Variants in MINDY3 observed in about 807,000 individuals in gnomAD.
The protein encoded by MINDY3 is ubiquitin carboxyl-terminal hydrolase MINDY-3.
MINDY3 carries 38 observed loss-of-function variants against 69.2 expected under a neutral mutation model. The observed-to-expected ratio is 0.55, with a 90% confidence interval of 0.42 to 0.72. The LOEUF is 0.72. MINDY3 is among the 30% of genes least tolerant of loss of function. The probability of loss-of-function intolerance (pLI) is 0.00; values close to 1 mark genes in which losing one functional copy is unlikely to be tolerated. For missense variants in MINDY3, 522 were observed against 519.0 expected (o/e 1.01, Z -0.06); for synonymous variants, 192 against 180.1 (o/e 1.07, Z -0.53).
In MINDY3 at chr10:15,789,337, A is replaced by G. The variant is rs763125934; in HGVS notation, c.956-18T>C. ...TCCATTATCTAGGGGGGAAAAAATCAGAAACAACTTGAAATAAGAATTTAC... is the reference window on the plus strand; with the variant it reads ...TCCATTATCTAGGGGGGAAAAAATCGGAAACAACTTGAAATAAGAATTTAC... On this transcript the variant is annotated intron_variant, in intron 11 of 14. Transcript: ENST00000277632. 1.0e-5 allele frequency: 16 copies of G among 1,590,082 alleles called. No individual in the cohort carries two copies. The highest frequency in any genetic ancestry group is 1.2e-5 in the Non-Finnish European group (14 of 1,160,022).
At chr10:15,798,066 C>T (rs771295355) in intron 10 of MINDY3, among the ~76,000 whole-genome samples, 6 of 152,110 alleles carry the variant, frequency 3.9e-5, no homozygotes, top group Non-Finnish European at 7.4e-5. Flanking sequence ...GTTATTCTTT[C>T]TATTCGCCAT....
At chr10:15,837,346 G>GT in intron 5 of MINDY3, 28 bp from the exon 6 acceptor site, 1 of 1,480,606 alleles carries the variant, frequency 6.8e-7, no homozygotes, top group Non-Finnish European at 9.3e-7. Context: ...TTAAGTATTG[G>GT]TATCATGATG....
chr10:15,789,156 A>G lies in MINDY3; in HGVS notation c.1028+91T>C, dbSNP rs144479099. 865 of 882,358 alleles carry G rather than the reference A, an allele frequency of 9.8e-4. 8 individuals are homozygous for G. In the African/African-American group the frequency reaches 0.013, roughly 13 times the overall value. The allele number at this position is 882,358 out of a possible 1,614,324, so 54.7% of individuals were successfully genotyped here. A position where few individuals can be genotyped will look rare whatever the true frequency, so the allele number is the denominator to read the frequency against. ...TGCTATGCTTCATATATGCAGATAT[A>G]GATTTTTAAAAAGGCAAAAAATGTA... On this transcript the variant is annotated intron_variant, in intron 12 of 14. Transcript: ENST00000277632.
intron 10 of MINDY3, among the ~76,000 whole-genome samples, chr10:15,815,778 T>C (rs1021793336): frequency 6.6e-6 from 1 of 152,164 alleles, no homozygotes; most frequent in Non-Finnish European, 1.5e-5. Flanking sequence ...TTCTAAAAGC[T>C]AGGTACTATT....
chr10:15,778,495 A>G lies in MINDY3; in HGVS notation c.*497T>C, dbSNP rs1255790323. 1 of 152,492 alleles carries G rather than the reference A, an allele frequency of 6.6e-6. No individual in the cohort carries two copies. The highest frequency in any genetic ancestry group is 2.4e-5 in the African/African-American group (1 of 41,474). 9.4% of individuals were successfully genotyped at this position (152,492 alleles called of 1,614,324 possible). On this transcript the variant is annotated 3_prime_UTR_variant, in exon 15 of 15. Transcript: ENST00000277632. ...AGTTAAGTAAATTGTCAAAGGATCC[A>G]GGTTGACAATGTGTTATTTGTCAAT... is the stretch of plus-strand genomic sequence containing the variant.
chr10:15,845,098 G>A (rs1833735500), intron 2 of MINDY3, among the ~76,000 whole-genome samples: 2 of 151,124 alleles, frequency 1.3e-5, no homozygotes, highest in South Asian at 4.2e-4. Flanking sequence ...TTAGAGTGTT[G>A]ATGATACATT....
Position 15,837,304 on chromosome 10 carries a change from C to G in MINDY3, c.476G>C (p.Arg159Thr). Residue 159 changes from arginine (R) to threonine (T), a missense_variant, in exon 6 of 15, where the codon AGA becomes ACA. Arg to Thr is a moderately conservative substitution (Grantham distance 71). Transcript: ENST00000277632. ...FHALIQKRSF[R>T]SLPELKDAVL... ...AGCATCTTTTAATTCTGGTAAACTTCTGAACGATCTTTTTCTGGGGGAAAA... is the reference window on the plus strand; with the variant it reads ...AGCATCTTTTAATTCTGGTAAACTTGTGAACGATCTTTTTCTGGGGGAAAA... 2 of 1,597,236 alleles carry G rather than the reference C, an allele frequency of 1.3e-6. No individual in the cohort carries two copies. Among genetic ancestry groups the G allele is most frequent in the Admixed American group, 1.8e-5 (1 of 57,098 alleles).
At chr10:15,848,120 C>T (rs765225884) in intron 1 of MINDY3, among the ~76,000 whole-genome samples, 177 bp from the exon 2 acceptor site, 1 of 152,080 alleles carries the variant, frequency 6.6e-6, no homozygotes, top group African/African-American at 2.4e-5. Flanking sequence ...CTATCCACCC[C>T]CACTCCCAAA....
At position 15,843,246 on chromosome 10, in the gene MINDY3, A is replaced by G; in HGVS notation, c.201T>C (p.Phe67=). The G allele has an allele frequency of 6.2e-7, 1 of 1,613,068 alleles. No individual in the cohort carries two copies. The highest frequency in any genetic ancestry group is 2.2e-5 in the East Asian group (1 of 44,832). The part of the protein sequence containing the change: ...VQAFLLKKLL[F]SSEKSSWRDC... The stretch of plus-strand genomic sequence containing the variant: ...CCCGCCAAGAAGACTTCTCCGAAGA[A>G]AACAGGAGCTTCTTCAAAAGAAATG... The change falls in exon 3 of 15, where the codon TTT becomes TTC. Residue 67 remains phenylalanine, a synonymous_variant. Transcript: ENST00000277632.
intron 8 of MINDY3, among the ~76,000 whole-genome samples, chr10:15,822,049 A>G (rs1839804671): frequency 1.3e-5 from 2 of 152,178 alleles, no homozygotes; most frequent in Non-Finnish European, 2.9e-5. Context: ...AAATACAAGA[A>G]GAAAAAGAGA....
At chr10:15,840,557 T>C (rs575755941) in intron 4 of MINDY3, among the ~76,000 whole-genome samples, 4 of 151,776 alleles carry the variant, frequency 2.6e-5, no homozygotes, top group South Asian at 2.1e-4. Context: ...TCCCATACAA[T>C]TGAAGTGTAC....
chr10:15,850,078 C>A (rs1373249519), intron 1 of MINDY3, among the ~76,000 whole-genome samples: 2 of 152,192 alleles, frequency 1.3e-5, no homozygotes, highest in African/African-American at 2.4e-5. Context: ...TTTATAATTT[C>A]TTACGCCTGT....
At chr10:15,853,602 T>A (rs1481307507) in intron 1 of MINDY3, among the ~76,000 whole-genome samples, 1 of 152,146 alleles carries the variant, frequency 6.6e-6, no homozygotes, top group Non-Finnish European at 1.5e-5. Context: ...AATGTCTTTT[T>A]AAAAATATAT....
chr10:15,817,406 G>A (rs1267354063), intron 9 of MINDY3: 1 of 152,974 alleles, frequency 6.5e-6, no homozygotes, highest in Non-Finnish European at 1.5e-5. Context: ...ATTTAAGTAT[G>A]TAAGTGTCCT....
intron 8 of MINDY3, among the ~76,000 whole-genome samples, chr10:15,827,216 C>CTA (rs1236646686): frequency 7.5e-6 from 1 of 133,348 alleles, no homozygotes. Context: ...TAGAAGCCAT[C>CTA]TAAAAAAAAG....
At chr10:15,782,591 G>A (rs1235843056) in intron 13 of MINDY3, among the ~76,000 whole-genome samples, 1 of 151,996 alleles carries the variant, frequency 6.6e-6, no homozygotes, top group African/African-American at 2.4e-5. Flanking sequence ...TCCTCTCAAT[G>A]AATTGAGAAA....
chr10:15,860,139 G>A (rs978435047), intron 1 of MINDY3, 67 bp downstream of exon 1: 25 of 1,213,442 alleles, frequency 2.1e-5, no homozygotes, highest in African/African-American at 1.4e-4. Flanking sequence ...AGCGAGAGGC[G>A]TCACAGGCGG....
At chr10:15,835,137 T>C (rs1446809787) in intron 6 of MINDY3, among the ~76,000 whole-genome samples, 1 of 152,102 alleles carries the variant, frequency 6.6e-6, no homozygotes, top group Non-Finnish European at 1.5e-5. Flanking sequence ...CATTCAAATG[T>C]ATACTGACAA....
intron 10 of MINDY3, among the ~76,000 whole-genome samples, chr10:15,810,262 C>A (rs981063927): frequency 6.6e-6 from 1 of 152,044 alleles, no homozygotes. Context: ...ACTTTAAGTC[C>A]TAAAAGTAAA....
Sources: allele counts gnomAD v4.1 joint callset (sites outside exome capture counted in the v4.1 genomes callset), GRCh38; gene constraint gnomAD v4.1.1; transcripts MANE v1.5; gene names NCBI Gene and HGNC (gene_info 2026-07-23, HGNC 2026-07-21).